The following FGF14 variants were observed in gnomAD, a reference collection of about 807,000 sequenced individuals.
The protein encoded by FGF14 is fibroblast growth factor 14, also known as fibroblast growth factor homologous factor 4.
FGF14 carries 5 observed loss-of-function variants against 25.5 expected under a neutral mutation model. The ratio of observed to expected loss-of-function variants is 0.20; its 90% CI spans 0.10 to 0.41. The LOEUF (loss-of-function observed/expected upper bound fraction) is 0.41, where lower values mean the gene tolerates loss of function less well. Ranked by LOEUF, FGF14 falls within the 10% of genes least tolerant of loss-of-function variation. The probability of loss-of-function intolerance (pLI) is 1.00; values close to 1 mark genes in which losing one functional copy is unlikely to be tolerated. For missense variants in FGF14, 222 were observed against 320.1 expected (o/e 0.69, Z 2.34); for synonymous variants, 138 against 118.3 (o/e 1.17, Z -1.08).
At chr13:102,358,379 T>A (rs1240473141) in intron 1 of FGF14, among the ~76,000 whole-genome samples, 1 of 152,192 alleles carries the variant, frequency 6.6e-6, no homozygotes, top group Non-Finnish European at 1.5e-5. Context: ...TTCCAATACA[T>A]CCCAGTGAAC....
chr13:102,248,489 G>A (rs935195924), intron 1 of FGF14, among the ~76,000 whole-genome samples: 2 of 152,138 alleles, frequency 1.3e-5, no homozygotes, highest in African/African-American at 2.4e-5. Context: ...AGTAAGAGCA[G>A]AGGGGTGGGA....
intron 3 of FGF14, among the ~76,000 whole-genome samples, chr13:101,823,200 G>T (rs989393712): frequency 2.6e-5 from 4 of 151,924 alleles, no homozygotes; most frequent in Non-Finnish European, 5.9e-5. Flanking sequence ...ATTTATGTTT[G>T]CATTTCTTTG....
chr13:101,865,751 G>A lies in FGF14; in HGVS notation c.408+2974C>T, dbSNP rs184090465. ...AAGTCAAATCACCGTTGTGATATTCGTTTACCAGAATTCAAATTAGATGAC... is the reference window on the plus strand; with the variant it reads ...AAGTCAAATCACCGTTGTGATATTCATTTACCAGAATTCAAATTAGATGAC... On this transcript the variant is annotated intron_variant, in intron 3 of 4. Coordinates refer to ENST00000376143, the MANE Select transcript of FGF14 (RefSeq NM_004115.4). Among the ~76,000 whole-genome samples the A allele has an allele frequency of 9.8e-4, 149 of 152,144 alleles. 1 individual carries two copies. The highest frequency in any genetic ancestry group is 3.4e-3 in the African/African-American group (141 of 41,530).
intron 1 of FGF14, among the ~76,000 whole-genome samples, chr13:102,107,564 T>C (rs1370632171): frequency 1.3e-5 from 2 of 152,198 alleles, no homozygotes; most frequent in South Asian, 2.1e-4. Context: ...CCAGTATTTA[T>C]TGAGCTCTTA....
intron 1 of FGF14, among the ~76,000 whole-genome samples, chr13:102,122,723 T>C (rs2045783977): frequency 6.6e-6 from 1 of 152,208 alleles, no homozygotes. Flanking sequence ...AGAAAGATTT[T>C]TGATATAAAT....
chr13:101,756,535 T>C (rs762481401), intron 3 of FGF14, among the ~76,000 whole-genome samples: 3 of 151,936 alleles, frequency 2.0e-5, no homozygotes, highest in Admixed American at 6.6e-5. Flanking sequence ...GAGATTGAGA[T>C]CATCCTGGCC....
chr13:101,906,449 G>C (rs1421714816), intron 1 of FGF14, among the ~76,000 whole-genome samples: 1 of 152,190 alleles, frequency 6.6e-6, no homozygotes, highest in African/African-American at 2.4e-5. Flanking sequence ...AATTCAAAGA[G>C]ATAAAATGAG....
intron 1 of FGF14, among the ~76,000 whole-genome samples, chr13:102,273,640 T>C (rs1267845911): frequency 6.6e-6 from 1 of 152,222 alleles, no homozygotes; most frequent in African/African-American, 2.4e-5. Context: ...GTGATTTTTA[T>C]TATTTTTTAA....
chr13:101,874,652 CTT>C (rs1236169027), intron 2 of FGF14, among the ~76,000 whole-genome samples: 1 of 152,060 alleles, frequency 6.6e-6, no homozygotes, highest in Non-Finnish European at 1.5e-5. Flanking sequence ...TCTGCAAACA[CTT>C]TGCACAATGA....
intron 1 of FGF14, among the ~76,000 whole-genome samples, chr13:102,114,498 G>C (rs1387319034): frequency 6.6e-6 from 1 of 152,152 alleles, no homozygotes; most frequent in Non-Finnish European, 1.5e-5. Context: ...ATCTGGAAGA[G>C]ATATCTGCAT....
At chr13:102,401,584 A>G (rs1312981836) in exon 1 of FGF14, 2 of 1,614,234 alleles carry the variant, frequency 1.2e-6, no homozygotes, top group African/African-American at 2.7e-5. Flanking sequence ...AAAGCAATCC[A>G]GCAGCTTAGA....
intron 1 of FGF14, among the ~76,000 whole-genome samples, chr13:102,011,771 A>G (rs1267269884): frequency 6.6e-6 from 1 of 152,150 alleles, no homozygotes; most frequent in Non-Finnish European, 1.5e-5. Flanking sequence ...TCAAGCTCTC[A>G]GAGTGTTCTC....
intron 1 of FGF14, among the ~76,000 whole-genome samples, chr13:102,158,111 G>T (rs1158531922): frequency 6.6e-6 from 1 of 152,180 alleles, no homozygotes; most frequent in Non-Finnish European, 1.5e-5. Flanking sequence ...AAGTCAGTGT[G>T]GCGATTCCTC....
At chr13:102,138,525 A>G (rs2140444418) in intron 1 of FGF14, among the ~76,000 whole-genome samples, 1 of 67,812 alleles carries the variant, frequency 1.5e-5, no homozygotes, top group African/African-American at 5.9e-5. Flanking sequence ...GACAGTCCAG[A>G]ACAAGTTGCC....
chr13:102,065,208 A>G (rs2042852503), intron 1 of FGF14, among the ~76,000 whole-genome samples: 1 of 152,110 alleles, frequency 6.6e-6, no homozygotes, highest in South Asian at 2.1e-4. Context: ...AGAAGTAACC[A>G]TAATGGATAT....
chr13:102,278,117 T>C (rs897273743), intron 1 of FGF14, among the ~76,000 whole-genome samples: 1 of 152,232 alleles, frequency 6.6e-6, no homozygotes, highest in Non-Finnish European at 1.5e-5. Context: ...CATAATTGAA[T>C]TCTAATGAAA....
Position 101,720,530 on chromosome 13 carries a change from C to CTGTGTGTGTGTGTGTG in FGF14, c.*2285_*2300dup, listed in dbSNP as rs56200654. ...TAACAAATAGATGGGGGTGTTTGCT[C>CTGTGTGTGTGTGTGTG]TGTGTGTGTGTGTGTGTGTGTGTGT... On this transcript the variant is annotated 3_prime_UTR_variant, in exon 5 of 5. Coordinates refer to ENST00000376143, the MANE Select transcript of FGF14 (RefSeq NM_004115.4). 8.8e-5 allele frequency: 13 copies of CTGTGTGTGTGTGTGTG among 147,572 alleles called. No homozygotes were observed. The highest frequency in any genetic ancestry group is 3.0e-4 in the African/African-American group (12 of 39,792). 9.1% of individuals were successfully genotyped at this position (147,572 alleles called of 1,614,324 possible). A position where few individuals can be genotyped will look rare whatever the true frequency, so the allele number is the denominator to read the frequency against.
intron 1 of FGF14, among the ~76,000 whole-genome samples, chr13:102,300,961 A>G (rs1161613547): frequency 1.4e-5 from 2 of 147,180 alleles, no homozygotes; most frequent in East Asian, 4.4e-4. Flanking sequence ...ACACACACAC[A>G]CACGTTTAAC....
intron 1 of FGF14, among the ~76,000 whole-genome samples, chr13:102,151,719 C>T (rs530674473): frequency 3.1e-4 from 47 of 152,152 alleles, no homozygotes; most frequent in African/African-American, 9.9e-4. Context: ...CAAGGCTGGT[C>T]TCGAACTGCT....
Sources: allele counts gnomAD v4.1 joint callset (sites outside exome capture counted in the v4.1 genomes callset), GRCh38; gene constraint gnomAD v4.1.1; transcripts MANE v1.5; gene names NCBI Gene and HGNC (gene_info 2026-07-23, HGNC 2026-07-21).